The following TTLL11 variants were observed in gnomAD, a reference collection of about 807,000 sequenced individuals.
TTLL11 encodes the protein tubulin polyglutamylase TTLL11.
Under a neutral mutation model 51.7 loss-of-function variants are expected in TTLL11, and 42 were observed. The ratio of observed to expected loss-of-function variants is 0.81; its 90% CI spans 0.64 to 1.05. The LOEUF (loss-of-function observed/expected upper bound fraction) is 1.05. Ranked by LOEUF, TTLL11 falls within the 50% of genes least tolerant of loss-of-function variation. The probability of loss-of-function intolerance (pLI) is 0.00; values close to 1 mark genes in which losing one functional copy is unlikely to be tolerated. For synonymous variants in TTLL11, 381 were observed against 383.5 expected, an observed-to-expected ratio of 0.99 and a Z score of 0.08; for missense variants, 799 against 940.4, an observed-to-expected ratio of 0.85 and a Z score of 1.97.
chr9:121,873,105 A>G (rs965107151), intron 6 of TTLL11, among the ~76,000 whole-genome samples: 20 of 152,240 alleles, frequency 1.3e-4, no homozygotes, highest in South Asian at 4.1e-4. Context: ...ATTCAAGGAA[A>G]GATTTGGAAA....
In TTLL11 at chr9:121,971,204, C is replaced by G. The variant is rs866169983; in HGVS notation, c.1481+2805G>C. The stretch of plus-strand genomic sequence containing the variant: ...CCCCGCCCGGCCAGCCGCCCCGTCC[C>G]GGAGGGAGGTGGGGGGGTCAGCCCC... On this transcript the variant is annotated intron_variant, in intron 6 of 8. Coordinates refer to ENST00000321582, the MANE Select transcript of TTLL11 (RefSeq NM_001139442.2). 1.2e-3 allele frequency among the ~76,000 whole-genome samples: 38 copies of G among 31,270 alleles called. 1 individual carries two copies. The highest frequency in any genetic ancestry group is 3.7e-3 in the South Asian group (2 of 540). The allele number at this position is 31,270 out of a possible 152,430, so 20.5% of individuals were successfully genotyped here. A position where few individuals can be genotyped will look rare whatever the true frequency, so the allele number is the denominator to read the frequency against.
intron 1 of TTLL11, among the ~76,000 whole-genome samples, chr9:122,065,096 T>A (rs1845543353): frequency 6.6e-6 from 1 of 152,100 alleles, no homozygotes; most frequent in African/African-American, 2.4e-5. Context: ...TTAAAAAAAA[T>A]AAATAGTCCC....
chr9:121,946,707 T>C lies in TTLL11; in HGVS notation c.1481+27302A>G, dbSNP rs1841682428. Among the ~76,000 whole-genome samples the C allele has an allele frequency of 3.3e-5, 5 of 152,326 alleles. No homozygotes were observed. The South Asian group carries it at 1.0e-3, about 32-fold the overall frequency. On this transcript the variant is annotated intron_variant, in intron 6 of 8. Coordinates refer to ENST00000321582, the MANE Select transcript of TTLL11 (RefSeq NM_001139442.2). Reference sequence around the variant, plus strand: ...CAGTGGTCCTCAAACGTGATTTGCATATTTGAATCACTGGTGTTTCAAAGA... The same window carrying C: ...CAGTGGTCCTCAAACGTGATTTGCACATTTGAATCACTGGTGTTTCAAAGA...
intron 8 of TTLL11, among the ~76,000 whole-genome samples, chr9:121,828,331 C>T (rs1452248708): frequency 1.3e-5 from 2 of 151,960 alleles, no homozygotes; most frequent in South Asian, 4.1e-4. Flanking sequence ...CACCACTATA[C>T]CTGGCTAATT....
intron 8 of TTLL11, among the ~76,000 whole-genome samples, chr9:121,825,482 T>C (rs1200684116): frequency 6.6e-6 from 1 of 152,214 alleles, no homozygotes; most frequent in Non-Finnish European, 1.5e-5. Context: ...CAGTATTTAG[T>C]ATAATAGCAC....
chr9:121,931,116 T>C (rs1016619491), intron 6 of TTLL11, among the ~76,000 whole-genome samples: 2 of 152,242 alleles, frequency 1.3e-5, no homozygotes, highest in African/African-American at 4.8e-5. Context: ...CCCTGCTCAG[T>C]CAGGCCAGCT....
intron 4 of TTLL11, among the ~76,000 whole-genome samples, chr9:121,983,811 T>C (rs1267369892): frequency 6.6e-6 from 1 of 152,100 alleles, no homozygotes; most frequent in African/African-American, 2.4e-5. Context: ...TTACACTGTG[T>C]GCCCCCTCAG....
chr9:122,017,940 A>G lies in TTLL11; in HGVS notation c.693+13783T>C, dbSNP rs532426175. Among the ~76,000 whole-genome samples the G allele has an allele frequency of 6.6e-5, 10 of 152,310 alleles. No individual in the cohort carries two copies. The South Asian group carries it at 8.3e-4, about 13-fold the overall frequency. The stretch of plus-strand genomic sequence containing the variant: ...AAAAACAGCTCTGTGTGTTATAGCT[A>G]TATTTGTTTATACACAGGAAAAGGT... On this transcript the variant is annotated intron_variant, in intron 3 of 8. Transcript: ENST00000321582.
In TTLL11 at chr9:121,989,572, T is replaced by C. The variant is rs1267230003; in HGVS notation, c.892A>G (p.Ile298Val). 4 of 1,614,118 alleles carry C rather than the reference T, an allele frequency of 2.5e-6. No homozygotes were observed. Among genetic ancestry groups the C allele is most frequent in the Non-Finnish European group, 2.5e-6 (3 of 1,180,024 alleles). Residue 298 changes from isoleucine (I) to valine (V), a missense_variant, in exon 4 of 9, where the codon ATT becomes GTT. Around this residue, in one of 3 missense-constraint regions of TTLL11, gnomAD observed 468 missense variants for 612.8 expected, o/e 0.76. Transcript: ENST00000321582. This position sits in a 1 kb window ranked among gnomAD's most constrained non-coding sequence, Gnocchi z 4.2. ...GACTTGAGTAAGACATACAGACGAA[T>C]ATCAAACTTGAGCTTGTCGATAAGG... ...PLLIDKLKFD[I>V]RLYVLLKSLD...
chr9:121,976,757 A>C (rs1842722018), intron 4 of TTLL11, among the ~76,000 whole-genome samples: 1 of 152,220 alleles, frequency 6.6e-6, no homozygotes, highest in African/African-American at 2.4e-5. Context: ...TAAGGATGAA[A>C]AGTTGGGAAA....
At chr9:122,074,994 A>T (rs944662244) in intron 1 of TTLL11, among the ~76,000 whole-genome samples, 7 of 152,148 alleles carry the variant, frequency 4.6e-5, no homozygotes, top group African/African-American at 1.7e-4. Context: ...GTCCCTTTAA[A>T]TTTTTTTAAA....
intron 8 of TTLL11, among the ~76,000 whole-genome samples, chr9:121,826,368 T>A (rs1432893263): frequency 7.3e-6 from 1 of 137,118 alleles, no homozygotes; most frequent in South Asian, 2.3e-4. Flanking sequence ...AAAACCCATA[T>A]ATATATGAGT....
At position 121,995,702 on chromosome 9, in the gene TTLL11, TATAA is replaced by T. The variant is rs1843234981; in HGVS notation, c.694-5936_694-5933del. On this transcript the variant is annotated intron_variant, in intron 3 of 8. Transcript: ENST00000321582. This position sits in a 1 kb window ranked among gnomAD's most constrained non-coding sequence, Gnocchi z 4.4. ...TCCAGACAGAGCTAATTTAGGACTTTATAATATCCCGCAAGCCCTCTACTGTTCA... is the reference window on the plus strand; with the variant it reads ...TCCAGACAGAGCTAATTTAGGACTTTTATCCCGCAAGCCCTCTACTGTTCA... Among the ~76,000 whole-genome samples the T allele has an allele frequency of 6.6e-6, 1 of 152,154 alleles. No homozygotes were observed.
At chr9:121,920,153 A>T (rs1840479983) in intron 6 of TTLL11, among the ~76,000 whole-genome samples, 1 of 152,022 alleles carries the variant, frequency 6.6e-6, no homozygotes, top group Non-Finnish European at 1.5e-5. Flanking sequence ...AATACAAAAC[A>T]TTTGCCAGGT....
chr9:122,092,141 GAT>G lies in TTLL11; in HGVS notation c.462+544_462+545del, dbSNP rs1846274042. 2.3e-5 allele frequency among the ~76,000 whole-genome samples: 3 copies of G among 128,758 alleles called. No homozygotes were observed. The South Asian group carries it at 6.3e-4, about 27-fold the overall frequency. 84.5% of individuals were successfully genotyped at this position (128,758 alleles called of 152,430 possible). ...TCTTCTAATGCTAACAAGATGATGA[GAT>G]AAGTATAATTGGCCTCACTTTACAG... is the stretch of plus-strand genomic sequence containing the variant. On this transcript the variant is annotated intron_variant, in intron 1 of 8. Coordinates refer to ENST00000321582, the MANE Select transcript of TTLL11 (RefSeq NM_001139442.2).
chr9:121,965,983 C>T (rs1010909593), intron 6 of TTLL11, among the ~76,000 whole-genome samples: 18 of 152,266 alleles, frequency 1.2e-4, no homozygotes, highest in Non-Finnish European at 2.2e-4. Context: ...TAGAATCTAC[C>T]GGATTTGGGG....
intron 3 of TTLL11, among the ~76,000 whole-genome samples, chr9:122,008,704 A>C (rs983144228): frequency 6.6e-6 from 1 of 152,246 alleles, no homozygotes; most frequent in African/African-American, 2.4e-5. Context: ...GTTTTTATCC[A>C]AAGGAAATGA....
rs1204397860 is a variant in TTLL11, at chr9:122,054,318, T to C, written c.463-14950A>G. 3.9e-5 allele frequency among the ~76,000 whole-genome samples: 6 copies of C among 152,116 alleles called. No homozygotes were observed. The South Asian group carries it at 1.2e-3, about 31-fold the overall frequency. On this transcript the variant is annotated intron_variant, in intron 1 of 8. Coordinates refer to ENST00000321582, the MANE Select transcript of TTLL11 (RefSeq NM_001139442.2). ...AAAACCCATTAGTAGGAGGGGAAGA[T>C]AACCTTGCCCCTTTCATAATTTCAG...
intron 3 of TTLL11, among the ~76,000 whole-genome samples, chr9:122,030,922 C>G (rs1844522537): frequency 6.6e-6 from 1 of 152,052 alleles, no homozygotes; most frequent in Non-Finnish European, 1.5e-5. Context: ...GCCTAGGCAA[C>G]AGAGCAACAC....
Sources: allele counts gnomAD v4.1 joint callset (sites outside exome capture counted in the v4.1 genomes callset), GRCh38; gene constraint gnomAD v4.1.1; regional missense constraint gnomAD v4.1.1; non-coding constraint Gnocchi (gnomAD v3.1); transcripts MANE v1.5; gene names NCBI Gene and HGNC (gene_info 2026-07-23, HGNC 2026-07-21).